DLG2: variants seen among roughly 807,000 people sequenced by gnomAD.
DLG2 encodes discs large MAGUK scaffold protein 2, also known as disks large homolog 2.
A neutral mutation model predicts 132.5 loss-of-function variants in DLG2; 45 were observed. That is an observed-to-expected ratio of 0.34 (90% CI 0.27 to 0.44). DLG2 has a LOEUF of 0.44. Among genes scored for constraint, DLG2 ranks in the 20% least tolerant of loss-of-function variants. The pLI is 1.00. For missense variants in DLG2, 1,045 were observed against 1,196.9 expected, an observed-to-expected ratio of 0.87 and a Z score of 1.87; for synonymous variants, 424 against 419.6, an observed-to-expected ratio of 1.01 and a Z score of -0.13.
chr11:85,537,911 T>C (rs937296324), intron 3 of DLG2, among the ~76,000 whole-genome samples: 2 of 151,784 alleles, frequency 1.3e-5, no homozygotes, highest in African/African-American at 4.9e-5. Context: ...GGTCAGGAGA[T>C]TGAGACCATC....
chr11:85,350,895 C>T (rs949290852), intron 3 of DLG2, among the ~76,000 whole-genome samples: 1 of 152,126 alleles, frequency 6.6e-6, no homozygotes, highest in Non-Finnish European at 1.5e-5. Context: ...AATGCAGGCT[C>T]TTTTTTGGTT....
intron 2 of DLG2, among the ~76,000 whole-genome samples, chr11:85,615,108 C>T (rs57313830): frequency 0.064 from 9,665 of 152,146 alleles, 991 homozygotes; most frequent in African/African-American, 0.22. Context: ...TAGTATAAAA[C>T]GGTAAATTTA....
intron 6 of DLG2, among the ~76,000 whole-genome samples, chr11:84,859,421 C>CATATATATGTAT (rs1163138933): frequency 2.1e-5 from 3 of 140,362 alleles, no homozygotes; most frequent in Non-Finnish European, 4.6e-5. Context: ...TATATGTATA[C>CATATATATGTAT]ATATACATAT....
intron 8 of DLG2, among the ~76,000 whole-genome samples, chr11:84,197,370 C>T (rs1324205501): frequency 6.6e-6 from 1 of 152,216 alleles, no homozygotes; most frequent in South Asian, 2.1e-4. Context: ...CATTCATGCA[C>T]AAAATGATGA....
At chr11:84,332,369 G>A (rs1600075367) in intron 7 of DLG2, among the ~76,000 whole-genome samples, 1 of 151,768 alleles carries the variant, frequency 6.6e-6, no homozygotes, top group East Asian at 2.0e-4. Context: ...CCGCCACCAC[G>A]CCCGGCTAAT....
intron 6 of DLG2, among the ~76,000 whole-genome samples, chr11:84,618,457 A>AAAT (rs1231335871): frequency 2.6e-5 from 4 of 152,112 alleles, no homozygotes; most frequent in Admixed American, 2.6e-4. Flanking sequence ...AATATGAGAA[A>AAAT]AATAAGCAAG....
intron 15 of DLG2, among the ~76,000 whole-genome samples, chr11:83,880,781 G>A (rs1309571172): frequency 6.6e-6 from 1 of 152,156 alleles, no homozygotes; most frequent in African/African-American, 2.4e-5. Context: ...ACACATGTGG[G>A]AAATATGATC....
At chr11:84,297,479 T>C (rs912801624) in intron 7 of DLG2, among the ~76,000 whole-genome samples, 1 of 152,194 alleles carries the variant, frequency 6.6e-6, no homozygotes, top group African/African-American at 2.4e-5. Flanking sequence ...AATCCATCCT[T>C]TTTGCTCTAC....
intron 10 of DLG2, 109 bp downstream of exon 10, chr11:84,098,814 C>T (rs1447860778): frequency 1.5e-6 from 2 of 1,308,280 alleles, no homozygotes; most frequent in African/African-American, 3.0e-5. Context: ...TTAAAAATCT[C>T]TTTCAAGTAC....
chr11:84,434,608 C>T (rs1434228012), intron 7 of DLG2, among the ~76,000 whole-genome samples: 1 of 152,004 alleles, frequency 6.6e-6, no homozygotes, highest in Non-Finnish European at 1.5e-5. Flanking sequence ...TATAAAGAAG[C>T]TAATGTATAA....
intron 4 of DLG2, among the ~76,000 whole-genome samples, chr11:85,233,885 A>G (rs978595319): frequency 9.9e-5 from 15 of 151,846 alleles, no homozygotes; most frequent in African/African-American, 3.4e-4. Context: ...ATGCCATCTT[A>G]AACTTGAAAT....
intron 14 of DLG2, among the ~76,000 whole-genome samples, chr11:83,958,938 A>C (rs552810430): frequency 3.3e-5 from 5 of 152,274 alleles, no homozygotes; most frequent in Admixed American, 3.3e-4. Flanking sequence ...GCCCAACCAG[A>C]AAGAGAGATT....
chr11:83,790,271 G>T, intron 17 of DLG2: 1 of 924,474 alleles, frequency 1.1e-6, no homozygotes, highest in Non-Finnish European at 1.8e-6. Flanking sequence ...CCTACCATTT[G>T]AGTGCCCAAG....
chr11:84,317,123 T>A (rs774143129), intron 7 of DLG2: 6 of 1,612,630 alleles, frequency 3.7e-6, no homozygotes, highest in Non-Finnish European at 5.1e-6. Flanking sequence ...GCAGCTGTGT[T>A]GCTTGGTGAG....
intron 8 of DLG2, among the ~76,000 whole-genome samples, chr11:84,250,710 G>A (rs1045077107): frequency 5.3e-5 from 8 of 152,128 alleles, no homozygotes; most frequent in African/African-American, 1.9e-4. Flanking sequence ...CAGAATCCTA[G>A]GCTTCATTGG....
At position 85,564,836 on chromosome 11, in the gene DLG2, C is replaced by T. The variant is rs566368459; in HGVS notation, c.40+33821G>A. Among the ~76,000 whole-genome samples the T allele has an allele frequency of 6.6e-5, 10 of 152,014 alleles. No individual in the cohort carries two copies. The South Asian group carries it at 2.1e-3, about 32-fold the overall frequency. On this transcript the variant is annotated intron_variant, in intron 3 of 27. Transcript: ENST00000376104. ...AATTTATAGAGCAATTTGGGGAGAACTAGCATCTTAACAATATTGAATTTC... is the reference window on the plus strand; with the variant it reads ...AATTTATAGAGCAATTTGGGGAGAATTAGCATCTTAACAATATTGAATTTC...
At chr11:84,007,250 T>C (rs1286644687) in intron 11 of DLG2, among the ~76,000 whole-genome samples, 1 of 151,776 alleles carries the variant, frequency 6.6e-6, no homozygotes, top group East Asian at 1.9e-4. Flanking sequence ...AACTAAACAA[T>C]ATTTCCAGTA....
At chr11:83,838,593 C>T (rs1443958183) in intron 16 of DLG2, among the ~76,000 whole-genome samples, 2 of 152,094 alleles carry the variant, frequency 1.3e-5, no homozygotes, top group East Asian at 3.9e-4. Flanking sequence ...ATTAGCTGCC[C>T]AAGTTTAAAA....
chr11:84,836,807 T>C (rs967935207), intron 6 of DLG2, among the ~76,000 whole-genome samples: 7 of 151,874 alleles, frequency 4.6e-5, no homozygotes, highest in African/African-American at 1.7e-4. Context: ...ATTTACAGTG[T>C]ACCATAAACA....
Sources: allele counts gnomAD v4.1 joint callset (sites outside exome capture counted in the v4.1 genomes callset), GRCh38; gene constraint gnomAD v4.1.1; transcripts MANE v1.5; gene names NCBI Gene and HGNC (gene_info 2026-07-23, HGNC 2026-07-21).